Variants in GABRG3 observed in about 807,000 individuals in gnomAD.
The protein encoded by GABRG3 is gamma-aminobutyric acid type A receptor subunit gamma3.
In GABRG3, 25 loss-of-function variants were observed where a neutral mutation model predicts 48.8. That is an observed-to-expected ratio of 0.51 (90% confidence interval 0.37 to 0.72). GABRG3 has a LOEUF of 0.72. GABRG3 is among the 30% of genes least tolerant of loss of function. The pLI, the probability that GABRG3 is intolerant of heterozygous loss-of-function variation, is 0.00. For missense variants in GABRG3, 394 were observed against 577.9 expected (o/e 0.68, Z 3.26); for synonymous variants, 227 against 217.6 (o/e 1.04, Z -0.38).
In GABRG3 at chr15:27,180,542, T is replaced by C. The variant is rs937725282; in HGVS notation, c.271-146267T>C. Among the ~76,000 whole-genome samples, 1 of 151,926 alleles carries C rather than the reference T, an allele frequency of 6.6e-6. No homozygotes were observed. The highest frequency in any genetic ancestry group is 2.4e-5 in the African/African-American group (1 of 41,378). ...ACCCTGCTCCACGTATACCCTCAGGTTCAACTCATCGCTCTAACCATGTCA... is the reference window on the plus strand; with the variant it reads ...ACCCTGCTCCACGTATACCCTCAGGCTCAACTCATCGCTCTAACCATGTCA... On this transcript the variant is annotated intron_variant, in intron 3 of 9. Coordinates refer to ENST00000615808, the MANE Select transcript of GABRG3 (RefSeq NM_033223.5). This position sits in a 1 kb window ranked among gnomAD's most constrained non-coding sequence, Gnocchi z 4.2.
chr15:27,152,211 T>TC (rs1360108774), intron 3 of GABRG3, among the ~76,000 whole-genome samples: 1 of 152,206 alleles, frequency 6.6e-6, no homozygotes, highest in Non-Finnish European at 1.5e-5. Context: ...GTCCAATTTT[T>TC]CCAGCACAAT....
At chr15:27,413,307 A>G (rs991350278) in intron 5 of GABRG3, among the ~76,000 whole-genome samples, 7 of 152,200 alleles carry the variant, frequency 4.6e-5, no homozygotes, top group Non-Finnish European at 1.0e-4. Context: ...CAAATTTGCC[A>G]TTATTTAAGG....
chr15:27,015,138 A>C (rs905290045), intron 2 of GABRG3, among the ~76,000 whole-genome samples: 1 of 151,992 alleles, frequency 6.6e-6, no homozygotes, highest in Non-Finnish European at 1.5e-5. Context: ...TCATCCTTTC[A>C]CTTTTAACCT....
rs918740458 is a variant in GABRG3 at position 27,451,319 on chromosome 15, A to G, written c.575-29331A>G. Among the ~76,000 whole-genome samples the G allele has an allele frequency of 3.9e-5, 6 of 152,180 alleles. No individual in the cohort carries two copies. The East Asian group carries it at 9.6e-4, about 24-fold the overall frequency. ...AAAGTTACAGTTTAAAAAATAGCATACTACTGACACAAAAACAGAAACACA... is the reference window on the plus strand; with the variant it reads ...AAAGTTACAGTTTAAAAAATAGCATGCTACTGACACAAAAACAGAAACACA... On this transcript the variant is annotated intron_variant, in intron 5 of 9. Coordinates refer to ENST00000615808, the MANE Select transcript of GABRG3 (RefSeq NM_033223.5).
chr15:27,474,322 AG>A (rs758046320), intron 5 of GABRG3, among the ~76,000 whole-genome samples: 22 of 152,362 alleles, frequency 1.4e-4, no homozygotes, highest in Non-Finnish European at 3.1e-4. Flanking sequence ...AGCATGTTTC[AG>A]GGAAGTATTA....
At chr15:27,247,581 A>C (rs1379652362) in intron 3 of GABRG3, among the ~76,000 whole-genome samples, 1 of 152,228 alleles carries the variant, frequency 6.6e-6, no homozygotes, top group East Asian at 1.9e-4. Flanking sequence ...TTTAAGAGAT[A>C]GAAAGGAGCC....
chr15:27,481,556 G>A (rs1890101895), intron 6 of GABRG3, among the ~76,000 whole-genome samples: 2 of 152,010 alleles, frequency 1.3e-5, no homozygotes, highest in Admixed American at 6.6e-5. Context: ...TATTTTATGG[G>A]TGACTAGATT....
intron 2 of GABRG3, among the ~76,000 whole-genome samples, chr15:27,017,398 C>T (rs1462744960): frequency 2.0e-5 from 3 of 152,156 alleles, no homozygotes; most frequent in Non-Finnish European, 4.4e-5. Flanking sequence ...GGTGGTGTAG[C>T]AAACTGAGGT....
At chr15:27,141,475 C>G (rs887579116) in intron 3 of GABRG3, among the ~76,000 whole-genome samples, 1 of 152,158 alleles carries the variant, frequency 6.6e-6, no homozygotes, top group East Asian at 1.9e-4. Context: ...GGACTCAGGT[C>G]TATTGCATCT....
intron 5 of GABRG3, among the ~76,000 whole-genome samples, chr15:27,331,949 C>G (rs1240123033): frequency 6.7e-6 from 1 of 148,816 alleles, no homozygotes; most frequent in African/African-American, 2.5e-5. Context: ...GCCATATTAT[C>G]AAATTAAAAA....
chr15:27,487,990 G>A (rs780070912), intron 6 of GABRG3, among the ~76,000 whole-genome samples: 20 of 152,144 alleles, frequency 1.3e-4, no homozygotes, highest in Non-Finnish European at 7.3e-5. Flanking sequence ...AGGGCGAGCC[G>A]TCCTGTAGCC....
At chr15:27,366,969 C>A (rs2140552126) in intron 5 of GABRG3, among the ~76,000 whole-genome samples, 1 of 152,266 alleles carries the variant, frequency 6.6e-6, no homozygotes, top group Non-Finnish European at 1.5e-5. Flanking sequence ...GCATCGGGAC[C>A]CTCTGTCAGC....
At chr15:27,146,283 T>C (rs1397004385) in intron 3 of GABRG3, among the ~76,000 whole-genome samples, 1 of 152,056 alleles carries the variant, frequency 6.6e-6, no homozygotes, top group African/African-American at 2.4e-5. Context: ...TGAAACCCTG[T>C]CTCTACTAAA....
chr15:27,307,006 G>GTAA (rs1892563829), intron 3 of GABRG3, among the ~76,000 whole-genome samples: 6 of 78,594 alleles, frequency 7.6e-5, no homozygotes, highest in Admixed American at 5.2e-4. Flanking sequence ...ATATAAACAT[G>GTAA]TATAAACATG....
At chr15:27,225,691 C>CTTTG (rs1889591127) in intron 3 of GABRG3, among the ~76,000 whole-genome samples, 1 of 151,948 alleles carries the variant, frequency 6.6e-6, no homozygotes, top group Non-Finnish European at 1.5e-5. Context: ...GTGTGAGGGA[C>CTTTG]TTTGTAGCCT....
In GABRG3 at chr15:27,180,669, G is replaced by A. The variant is rs780260005; in HGVS notation, c.271-146140G>A. Among the ~76,000 whole-genome samples the A allele has an allele frequency of 2.4e-4, 36 of 152,186 alleles. No individual in the cohort carries two copies. Among genetic ancestry groups the A allele is most frequent in the Middle Eastern group, 3.4e-3 (1 of 294 alleles). ...TGTCTGTGTGTGTTTGTGTGTGCAC[G>A]CGCGCGCACCCCAGGTCAGTTCTAG... is the stretch of plus-strand genomic sequence containing the variant. On this transcript the variant is annotated intron_variant, in intron 3 of 9. Coordinates refer to ENST00000615808, the MANE Select transcript of GABRG3 (RefSeq NM_033223.5). This position sits in a 1 kb window ranked among gnomAD's most constrained non-coding sequence, Gnocchi z 4.2.
intron 5 of GABRG3, among the ~76,000 whole-genome samples, chr15:27,415,601 A>G (rs1053203742): frequency 1.3e-5 from 2 of 152,130 alleles, no homozygotes; most frequent in Admixed American, 6.6e-5. Flanking sequence ...AGAAATGCCC[A>G]CTAAACAACT....
chr15:27,306,707 T>TATACAATATAAACATGTTTATATATAAAC (rs1892506716), intron 3 of GABRG3, among the ~76,000 whole-genome samples: 2 of 122,802 alleles, frequency 1.6e-5, no homozygotes, highest in Non-Finnish European at 3.2e-5. Context: ...TATATAAACA[T>TATACAATATAAACATGTTTATATATAAAC]ATACAATATA....
intron 5 of GABRG3, among the ~76,000 whole-genome samples, chr15:27,368,523 C>A (rs113774463): frequency 3.9e-4 from 59 of 152,306 alleles, no homozygotes; most frequent in African/African-American, 1.3e-3. Context: ...GTAATTCTGT[C>A]CAAGGTGCAT....
Sources: gnomAD v4.1 joint callset for allele counts (sites outside exome capture counted in the v4.1 genomes callset) on GRCh38, gnomAD v4.1.1 for gene constraint, Gnocchi (gnomAD v3.1) non-coding constraint, MANE v1.5 for transcripts, NCBI Gene and HGNC (gene_info 2026-07-23, HGNC 2026-07-21) for gene names.